Variants in DLG2 observed in about 807,000 individuals in gnomAD.
DLG2 encodes the protein discs large MAGUK scaffold protein 2, also known as disks large homolog 2.
Under a neutral mutation model 132.5 loss-of-function variants are expected in DLG2, and 45 were observed. That is an observed-to-expected ratio of 0.34 (90% CI 0.27 to 0.44). The LOEUF (loss-of-function observed/expected upper bound fraction) is 0.44. Among genes scored for constraint, DLG2 ranks in the 20% least tolerant of loss-of-function variants. DLG2 has a pLI of 1.00. For missense variants in DLG2, 1,045 were observed against 1,196.9 expected, an observed-to-expected ratio of 0.87 and a Z score of 1.87; for synonymous variants, 424 against 419.6, an observed-to-expected ratio of 1.01 and a Z score of -0.13.
At chr11:85,253,598 G>T (rs1565219631) in intron 4 of DLG2, among the ~76,000 whole-genome samples, 1 of 152,260 alleles carries the variant, frequency 6.6e-6, no homozygotes, top group East Asian at 1.9e-4. Flanking sequence ...TCCAGAGGAA[G>T]GGTTACAGTA....
chr11:84,483,282 A>C (rs2099142462), intron 7 of DLG2, among the ~76,000 whole-genome samples: 2 of 151,970 alleles, frequency 1.3e-5, no homozygotes, highest in African/African-American at 2.4e-5. Context: ...AAATACAAAA[A>C]TTAGGCAGGC....
chr11:84,814,550 C>A (rs2076903384), intron 6 of DLG2, among the ~76,000 whole-genome samples: 2 of 152,008 alleles, frequency 1.3e-5, no homozygotes, highest in African/African-American at 2.4e-5. Context: ...CCCACTGTTA[C>A]CACTCCCTCC....
intron 10 of DLG2, among the ~76,000 whole-genome samples, chr11:84,062,544 A>G (rs2096607666): frequency 6.6e-6 from 1 of 152,236 alleles, no homozygotes; most frequent in African/African-American, 2.4e-5. Context: ...GTGCAATATC[A>G]GCCAGTCATT....
At position 84,663,303 on chromosome 11, in the gene DLG2, G is replaced by A. The variant is rs572187096; in HGVS notation, c.358-128572C>T. 2.7e-5 allele frequency among the ~76,000 whole-genome samples: 4 copies of A among 150,062 alleles called. No individual in the cohort carries two copies. The South Asian group carries it at 8.4e-4, about 32-fold the overall frequency. Reference sequence around the variant, plus strand: ...AGCAATGTTGTGAGATAGACTCTTGGCTTGAGGGCACTCACCACCATCTCT... The same window carrying A: ...AGCAATGTTGTGAGATAGACTCTTGACTTGAGGGCACTCACCACCATCTCT... On this transcript the variant is annotated intron_variant, in intron 6 of 27. Transcript: ENST00000376104.
intron 6 of DLG2, among the ~76,000 whole-genome samples, chr11:84,940,253 C>G (rs921342429): frequency 6.6e-6 from 1 of 152,188 alleles, no homozygotes; most frequent in Non-Finnish European, 1.5e-5. Context: ...TGGGTTCAAA[C>G]GATTCTCCTG....
chr11:84,501,337 G>T (rs1204878598), intron 7 of DLG2, among the ~76,000 whole-genome samples: 1 of 152,222 alleles, frequency 6.6e-6, no homozygotes, highest in Non-Finnish European at 1.5e-5. Flanking sequence ...GGCCAAGGCA[G>T]GTGGATCACC....
chr11:85,579,518 TC>T (rs2078377069), intron 3 of DLG2, among the ~76,000 whole-genome samples: 1 of 152,156 alleles, frequency 6.6e-6, no homozygotes, highest in South Asian at 2.1e-4. Flanking sequence ...TGTCAAATGC[TC>T]CTGAAAATAA....
chr11:84,684,496 C>A (rs1007759491), intron 6 of DLG2, among the ~76,000 whole-genome samples: 1 of 152,130 alleles, frequency 6.6e-6, no homozygotes, highest in African/African-American at 2.4e-5. Context: ...TGATGGGCTA[C>A]CTATGAAAGC....
chr11:85,389,602 C>T (rs979564762), intron 3 of DLG2, among the ~76,000 whole-genome samples: 9 of 152,044 alleles, frequency 5.9e-5, no homozygotes, highest in Non-Finnish European at 1.3e-4. Context: ...TTAAGAGCTA[C>T]AAGACAAAAT....
intron 7 of DLG2, among the ~76,000 whole-genome samples, chr11:84,367,024 C>T (rs2098686775): frequency 1.3e-5 from 2 of 152,042 alleles, no homozygotes; most frequent in African/African-American, 4.8e-5. Context: ...TTTTTCAGCA[C>T]CACACCACAC....
intron 6 of DLG2, among the ~76,000 whole-genome samples, chr11:84,894,695 T>C (rs1188476636): frequency 1.3e-5 from 2 of 152,114 alleles, no homozygotes; most frequent in African/African-American, 4.8e-5. Context: ...TGTTGGGAGT[T>C]AGGTTCAATG....
intron 16 of DLG2, among the ~76,000 whole-genome samples, chr11:83,870,648 G>A (rs1001547164): frequency 6.6e-6 from 1 of 152,138 alleles, no homozygotes; most frequent in Admixed American, 6.5e-5. Flanking sequence ...GCTCATCTAG[G>A]TGCTACAGAA....
chr11:84,848,524 G>A (rs563183119), intron 6 of DLG2, among the ~76,000 whole-genome samples: 1 of 151,996 alleles, frequency 6.6e-6, no homozygotes, highest in Admixed American at 6.6e-5. Context: ...AAAAGCCAGA[G>A]AATGCTATGT....
chr11:84,129,785 A>G (rs2094338491), intron 9 of DLG2, among the ~76,000 whole-genome samples: 1 of 152,022 alleles, frequency 6.6e-6, no homozygotes, highest in South Asian at 2.1e-4. Flanking sequence ...AAATATGAGT[A>G]CACTTTCCCT....
chr11:84,441,354 T>A (rs538167008), intron 7 of DLG2, among the ~76,000 whole-genome samples: 1 of 152,230 alleles, frequency 6.6e-6, no homozygotes, highest in African/African-American at 2.4e-5. Flanking sequence ...GGTCTTGCTA[T>A]ATTGCCCAGG....
rs1251703304 is a variant in DLG2 at position 83,753,822 on chromosome 11, TTCA to T, written c.1825+32865_1825+32867del. On this transcript the variant is annotated intron_variant, in intron 18 of 27. Transcript: ENST00000376104. ...TATATCATATATATCATATATATAT[TTCA>T]TATATATATGATATATATCATATAT... Among the ~76,000 whole-genome samples, 10 of 39,184 alleles carry T rather than the reference TTCA, an allele frequency of 2.6e-4. 1 individual carries two copies. The highest frequency in any genetic ancestry group is 4.0e-4 in the Non-Finnish European group (9 of 22,726). 25.7% of individuals were successfully genotyped at this position (39,184 alleles called of 152,430 possible).
chr11:83,691,225 C>G (rs1162437479), intron 18 of DLG2, among the ~76,000 whole-genome samples: 2 of 152,130 alleles, frequency 1.3e-5, no homozygotes, highest in Non-Finnish European at 2.9e-5. Context: ...TGCACTTGAT[C>G]TCACCTAGAG....
intron 6 of DLG2, among the ~76,000 whole-genome samples, chr11:84,654,935 G>C (rs1422059271): frequency 6.6e-6 from 1 of 152,142 alleles, no homozygotes; most frequent in African/African-American, 2.4e-5. Flanking sequence ...TTAAAGACCA[G>C]AGCTTTGGGA....
At chr11:84,241,939 C>A (rs2097233314) in intron 8 of DLG2, among the ~76,000 whole-genome samples, 1 of 152,184 alleles carries the variant, frequency 6.6e-6, no homozygotes. Flanking sequence ...CCTGTGAGAC[C>A]TGACGCTGCC....
Sources: gnomAD v4.1 joint callset for allele counts (sites outside exome capture counted in the v4.1 genomes callset) on GRCh38, gnomAD v4.1.1 for gene constraint, MANE v1.5 for transcripts, NCBI Gene and HGNC (gene_info 2026-07-23, HGNC 2026-07-21) for gene names.